TUFT1: variants seen among roughly 807,000 people sequenced by gnomAD.
The protein encoded by TUFT1 is tuftelin.
TUFT1 carries 43 observed loss-of-function variants against 57.8 expected under a neutral mutation model. The observed-to-expected ratio is 0.74, with a 90% confidence interval of 0.58 to 0.96. TUFT1 has a LOEUF of 0.96. Ranked by LOEUF, TUFT1 falls within the 40% of genes least tolerant of loss-of-function variation. The pLI is 0.00. For synonymous variants in TUFT1, 166 were observed against 176.7 expected (o/e 0.94, Z 0.48); for missense variants, 459 against 489.0 (o/e 0.94, Z 0.58).
rs1301098310 is a variant in TUFT1 at position 151,561,650 on chromosome 1, ATAGTT to A, written c.61-435_61-431del. The A allele has an allele frequency of 1.0e-5, 12 of 1,198,826 alleles. No individual in the cohort carries two copies. In the East Asian group the frequency reaches 7.4e-4, roughly 74 times the overall value. The allele number at this position is 1,198,826 out of a possible 1,614,324, so 74.3% of individuals were successfully genotyped here. On this transcript the variant is annotated intron_variant, in intron 1 of 12. Coordinates refer to ENST00000368849, the MANE Select transcript of TUFT1 (RefSeq NM_020127.3). ...GGAGTTTGAATTCAGGTACTTTCCTATAGTTTAGTTCAGGAAGAATATGCTAGTCT... is the reference window on the plus strand; with the variant it reads ...GGAGTTTGAATTCAGGTACTTTCCTATAGTTCAGGAAGAATATGCTAGTCT...
chr1:151,563,168 C>T lies in TUFT1; in HGVS notation c.237+482C>T, dbSNP rs1245610583. Among the ~76,000 whole-genome samples, 4 of 152,226 alleles carry T rather than the reference C, an allele frequency of 2.6e-5. No homozygotes were observed. In the East Asian group the frequency reaches 7.7e-4, roughly 29 times the overall value. Reference sequence around the variant, plus strand: ...CCAAAATGCTGGTATTATAGGCGTGCACCAGCCCACCTGGCTGATGGAACT... The same window carrying T: ...CCAAAATGCTGGTATTATAGGCGTGTACCAGCCCACCTGGCTGATGGAACT... On this transcript the variant is annotated intron_variant, in intron 3 of 12. Transcript: ENST00000368849.
chr1:151,557,823 C>T, intron 1 of TUFT1: 2 of 753,094 alleles, frequency 2.7e-6, no homozygotes, highest in East Asian at 2.5e-5. Flanking sequence ...AGATAACCTA[C>T]AGACGGAGTG....
At chr1:151,556,987 A>G (rs915579398) in intron 1 of TUFT1, among the ~76,000 whole-genome samples, 1 of 152,038 alleles carries the variant, frequency 6.6e-6, no homozygotes, top group Non-Finnish European at 1.5e-5. Context: ...AACCAAACAA[A>G]ATGCTGAGAT....
intron 1 of TUFT1, among the ~76,000 whole-genome samples, chr1:151,552,177 A>G (rs1212725876): frequency 2.0e-5 from 3 of 152,194 alleles, no homozygotes; most frequent in Admixed American, 2.0e-4. Flanking sequence ...TTGCATGTAC[A>G]GTGCTTCATT....
rs1464111263 is a variant in TUFT1, at chr1:151,565,941, A to G, written c.415-222A>G. On this transcript the variant is annotated intron_variant, in intron 5 of 12. Transcript: ENST00000368849. Reference sequence around the variant, plus strand: ...TTTCTATTTTCTCATGGAACGCTAGAAATCTTTTCTTCTTTCGCTTCGTTC... The same window carrying G: ...TTTCTATTTTCTCATGGAACGCTAGGAATCTTTTCTTCTTTCGCTTCGTTC... The G allele has an allele frequency of 1.1e-5, 5 of 457,412 alleles. No individual in the cohort carries two copies. The East Asian group carries it at 1.2e-4, about 11-fold the overall frequency. The allele number at this position is 457,412 out of a possible 1,614,324, so 28.3% of individuals were successfully genotyped here. A position where few individuals can be genotyped will look rare whatever the true frequency, so the allele number is the denominator to read the frequency against.
intron 3 of TUFT1, 49 bp downstream of exon 3, chr1:151,562,735 C>G (rs1558008289): frequency 6.7e-7 from 1 of 1,491,654 alleles, no homozygotes; most frequent in Non-Finnish European, 9.3e-7. Context: ...TTCCTCCCTG[C>G]ACGTATATGA....
In TUFT1 at chr1:151,582,116, G is replaced by T. The variant is rs1017697441; in HGVS notation, c.*409G>T. ...GGAGACACAGATGTCCAGAGTGATT[G>T]GAGAATGTCCTGGGGGAATGAAGTT... On this transcript the variant is annotated 3_prime_UTR_variant, in exon 13 of 13. Coordinates refer to ENST00000368849, the MANE Select transcript of TUFT1 (RefSeq NM_020127.3). 4.2e-5 allele frequency: 20 copies of T among 472,180 alleles called. No homozygotes were observed. Among genetic ancestry groups the T allele is most frequent in the African/African-American group, 3.7e-4 (19 of 50,862 alleles). The allele number at this position is 472,180 out of a possible 1,614,324, so 29.2% of individuals were successfully genotyped here.
At chr1:151,579,578 TG>T in intron 10 of TUFT1, 70 bp from the exon 11 acceptor site, 1 of 1,520,472 alleles carries the variant, frequency 6.6e-7, no homozygotes, top group Non-Finnish European at 9.1e-7. Flanking sequence ...CCCCAGCAGC[TG>T]GGGTGAAGTC....
intron 1 of TUFT1, among the ~76,000 whole-genome samples, chr1:151,550,447 C>T (rs962256960): frequency 1.3e-5 from 2 of 152,086 alleles, no homozygotes; most frequent in East Asian, 1.9e-4. Flanking sequence ...TGGGTTTAAG[C>T]GATTCTCCCA....
chr1:151,576,975 T>C lies in TUFT1; in HGVS notation c.819-1746T>C, dbSNP rs191993588. On this transcript the variant is annotated intron_variant, in intron 9 of 12. Coordinates refer to ENST00000368849, the MANE Select transcript of TUFT1 (RefSeq NM_020127.3). ...TTTTCATTGACACAGGGTCTTGCCATGTTGCCCAGGCTGGTCTCGAACTCC... is the reference window on the plus strand; with the variant it reads ...TTTTCATTGACACAGGGTCTTGCCACGTTGCCCAGGCTGGTCTCGAACTCC... Among the ~76,000 whole-genome samples, 1,025 of 152,292 alleles carry C rather than the reference T, an allele frequency of 6.7e-3. 7 individuals are homozygous for C. Among genetic ancestry groups the C allele is most frequent in the Non-Finnish European group, 9.0e-3 (609 of 68,026 alleles).
At chr1:151,552,022 C>A (rs1238892491) in intron 1 of TUFT1, among the ~76,000 whole-genome samples, 2 of 152,154 alleles carry the variant, frequency 1.3e-5, no homozygotes, top group African/African-American at 2.4e-5. Flanking sequence ...CCTACCTCCA[C>A]CTCAAGGGTA....
In TUFT1 at chr1:151,569,773, G is replaced by A. The variant is rs747767201; in HGVS notation, c.594+3G>A. On this transcript the variant is annotated splice_donor_region_variant and intron_variant, in intron 7 of 12. Coordinates refer to ENST00000368849, the MANE Select transcript of TUFT1 (RefSeq NM_020127.3). ...AGTCAGACTGTGTGGCTTTTGAGGT[G>A]AGATTTGGGATTTGGGGAGAAGGTG... is the stretch of plus-strand genomic sequence containing the variant. The A allele has an allele frequency of 6.2e-7, 1 of 1,613,308 alleles. No homozygotes were observed. The highest frequency in any genetic ancestry group is 1.1e-5 in the South Asian group (1 of 91,010).
intron 1 of TUFT1, among the ~76,000 whole-genome samples, chr1:151,550,410 T>C (rs1315443968): frequency 6.6e-6 from 1 of 152,030 alleles, no homozygotes; most frequent in Admixed American, 6.6e-5. Flanking sequence ...AATGGCGTGA[T>C]CTTGGCTCAC....
At chr1:151,547,898 G>C (rs1665390807) in intron 1 of TUFT1, among the ~76,000 whole-genome samples, 1 of 152,160 alleles carries the variant, frequency 6.6e-6, no homozygotes, top group Admixed American at 6.5e-5. Flanking sequence ...CCCCATGTAG[G>C]GTGCCACCTC....
chr1:151,545,225 A>G (rs1326020943), intron 1 of TUFT1, among the ~76,000 whole-genome samples: 1 of 152,096 alleles, frequency 6.6e-6, no homozygotes, highest in African/African-American at 2.4e-5. Flanking sequence ...CAGGAGAATC[A>G]TATGTACCCA....
intron 12 of TUFT1, 65 bp from the exon 13 acceptor site, chr1:151,581,579 T>A: frequency 6.5e-7 from 1 of 1,530,744 alleles, no homozygotes; most frequent in South Asian, 1.1e-5. Flanking sequence ...CCAGGGGCTC[T>A]GTGAAGGGTG....
intron 7 of TUFT1, among the ~76,000 whole-genome samples, chr1:151,571,236 C>T (rs1666241094): frequency 6.6e-6 from 1 of 152,064 alleles, no homozygotes; most frequent in African/African-American, 2.4e-5. Context: ...AGGAAGGGCA[C>T]CAAGGATGAT....
At chr1:151,542,923 G>A (rs1366901864) in intron 1 of TUFT1, among the ~76,000 whole-genome samples, 1 of 152,162 alleles carries the variant, frequency 6.6e-6, no homozygotes, top group Non-Finnish European at 1.5e-5. Flanking sequence ...TCACACCACT[G>A]AATGGGTGCT....
intron 1 of TUFT1, chr1:151,561,471 G>GCACACACACACACACA (rs1163728080): frequency 3.2e-6 from 1 of 311,886 alleles, no homozygotes; most frequent in African/African-American, 2.6e-5. Flanking sequence ...GCGCGCGCGC[G>GCACACACACACACACA]CGCACACACA....
Sources: allele counts gnomAD v4.1 joint callset (sites outside exome capture counted in the v4.1 genomes callset), GRCh38; gene constraint gnomAD v4.1.1; transcripts MANE v1.5; gene names NCBI Gene and HGNC (gene_info 2026-07-23, HGNC 2026-07-21).